Variants in IMMP2L observed in about 807,000 individuals in gnomAD.
IMMP2L encodes the protein mitochondrial inner membrane protease subunit 2.
A neutral mutation model predicts 19.3 loss-of-function variants in IMMP2L; 18 were observed. That is an observed-to-expected ratio of 0.93 (90% CI 0.64 to 1.38). IMMP2L has a LOEUF of 1.38. Among genes scored for constraint, IMMP2L ranks in the 40% most tolerant of loss-of-function variants. The pLI is 0.00. For synonymous variants in IMMP2L, 76 were observed against 73.0 expected, an observed-to-expected ratio of 1.04 and a Z score of -0.21; for missense variants, 233 against 218.2, an observed-to-expected ratio of 1.07 and a Z score of -0.43.
chr7:111,558,447 A>G (rs781339410), intron 1 of IMMP2L, among the ~76,000 whole-genome samples: 1 of 152,230 alleles, frequency 6.6e-6, no homozygotes, highest in Non-Finnish European at 1.5e-5. Context: ...ATTTTACGGC[A>G]GATTCTGTGC....
At chr7:110,671,868 G>T (rs1791945539) in intron 5 of IMMP2L, among the ~76,000 whole-genome samples, 1 of 152,052 alleles carries the variant, frequency 6.6e-6, no homozygotes, top group Non-Finnish European at 1.5e-5. Flanking sequence ...ACTGTTAGCG[G>T]GAGGAAAGAC....
chr7:111,448,057 G>C (rs915838802), intron 3 of IMMP2L, among the ~76,000 whole-genome samples: 2 of 145,018 alleles, frequency 1.4e-5, no homozygotes, highest in Non-Finnish European at 3.0e-5. Flanking sequence ...GATTCATAAA[G>C]CAAGTCGTGA....
intron 3 of IMMP2L, among the ~76,000 whole-genome samples, chr7:111,197,463 AAAAC>A (rs1809634578): frequency 6.6e-6 from 1 of 152,214 alleles, no homozygotes; most frequent in African/African-American, 2.4e-5. Context: ...ACTCCATCTC[AAAAC>A]AAACAGAAGA....
At chr7:110,826,558 AC>A (rs1378828547) in intron 5 of IMMP2L, among the ~76,000 whole-genome samples, 1 of 152,158 alleles carries the variant, frequency 6.6e-6, no homozygotes, top group Non-Finnish European at 1.5e-5. Context: ...GAAGCTGGAA[AC>A]CATCATTCTC....
chr7:110,849,709 C>T (rs1414816881), intron 5 of IMMP2L, among the ~76,000 whole-genome samples: 1 of 152,010 alleles, frequency 6.6e-6, no homozygotes, highest in African/African-American at 2.4e-5. Flanking sequence ...TGGGATTTTG[C>T]AGCAGTAAAC....
chr7:111,417,214 T>C (rs1300690809), intron 3 of IMMP2L, among the ~76,000 whole-genome samples: 1 of 151,750 alleles, frequency 6.6e-6, no homozygotes, highest in African/African-American at 2.4e-5. Context: ...CCTAGCAATG[T>C]GTCCATGATT....
chr7:110,733,527 G>C (rs934173663), intron 5 of IMMP2L, among the ~76,000 whole-genome samples: 1 of 130,648 alleles, frequency 7.7e-6, no homozygotes. Context: ...AAAGAGGAAG[G>C]AAGAGAAAGA....
At chr7:111,524,430 GTT>G (rs1481905872) in intron 1 of IMMP2L, among the ~76,000 whole-genome samples, 1 of 152,040 alleles carries the variant, frequency 6.6e-6, no homozygotes. Context: ...TAGCTTCAAA[GTT>G]ATTTTAAGTG....
chr7:111,098,440 CATA>C (rs1330607605), intron 3 of IMMP2L, among the ~76,000 whole-genome samples: 1 of 151,494 alleles, frequency 6.6e-6, no homozygotes, highest in Non-Finnish European at 1.5e-5. Context: ...TAAATTATAC[CATA>C]ATATGCTGCT....
chr7:111,349,430 TAGTTTTAAATTTTTGAGCAA>T, intron 3 of IMMP2L, among the ~76,000 whole-genome samples: 1 of 152,046 alleles, frequency 6.6e-6, no homozygotes, highest in East Asian at 1.9e-4. Flanking sequence ...CAGCAAAAAA[TAGTTTTAAATTTTTGAGCAA>T]AGTTTAACCA....
chr7:111,257,266 T>C (rs529911470), intron 3 of IMMP2L, among the ~76,000 whole-genome samples: 4 of 152,246 alleles, frequency 2.6e-5, no homozygotes, highest in South Asian at 2.1e-4. Flanking sequence ...TACATATTAA[T>C]AGGGGTGTTA....
chr7:110,989,117 C>T (rs972700394), intron 3 of IMMP2L, among the ~76,000 whole-genome samples: 1 of 152,092 alleles, frequency 6.6e-6, no homozygotes, highest in Non-Finnish European at 1.5e-5. Context: ...TGCCTGTAAT[C>T]CCAGCTACTA....
intron 5 of IMMP2L, among the ~76,000 whole-genome samples, chr7:110,798,708 C>T (rs535729999): frequency 3.9e-5 from 6 of 151,934 alleles, no homozygotes; most frequent in Admixed American, 2.6e-4. Context: ...TTCAATTGAA[C>T]ATTATATTTA....
At chr7:111,043,713 G>A (rs948356379) in intron 3 of IMMP2L, among the ~76,000 whole-genome samples, 14 of 152,172 alleles carry the variant, frequency 9.2e-5, no homozygotes, top group Non-Finnish European at 1.3e-4. Flanking sequence ...TTATATCAGT[G>A]GCCTGCTTCC....
At chr7:110,801,518 T>C (rs1801243703) in intron 5 of IMMP2L, among the ~76,000 whole-genome samples, 1 of 152,116 alleles carries the variant, frequency 6.6e-6, no homozygotes, top group Non-Finnish European at 1.5e-5. Flanking sequence ...AGTGATGCCA[T>C]ATAATAATAT....
At chr7:111,198,996 A>G (rs1809806725) in intron 3 of IMMP2L, among the ~76,000 whole-genome samples, 1 of 152,168 alleles carries the variant, frequency 6.6e-6, no homozygotes, top group South Asian at 2.1e-4. Flanking sequence ...TCCTCCCTCA[A>G]TATGGACTAA....
At chr7:111,109,806 T>C (rs537322636) in intron 3 of IMMP2L, among the ~76,000 whole-genome samples, 1 of 152,290 alleles carries the variant, frequency 6.6e-6, no homozygotes, top group South Asian at 2.1e-4. Flanking sequence ...TATTGTTATA[T>C]GATGGAAAAC....
chr7:110,700,918 T>C (rs17157913), intron 5 of IMMP2L, among the ~76,000 whole-genome samples: 8,165 of 152,302 alleles, frequency 0.054, 295 homozygotes, highest in African/African-American at 0.11. Context: ...TGGAATGCAC[T>C]ATAACATCAA....
chr7:111,016,473 G>T (rs1825568611), intron 3 of IMMP2L, among the ~76,000 whole-genome samples: 4 of 123,228 alleles, frequency 3.2e-5, no homozygotes, highest in Non-Finnish European at 4.8e-5. Context: ...TATTTATGTA[G>T]TTTATACTAT....
Sources: gnomAD v4.1 joint callset for allele counts (sites outside exome capture counted in the v4.1 genomes callset) on GRCh38, gnomAD v4.1.1 for gene constraint, MANE v1.5 for transcripts, NCBI Gene and HGNC (gene_info 2026-07-23, HGNC 2026-07-21) for gene names.